The following METTL14 variants were observed in gnomAD, a reference collection of about 807,000 sequenced individuals.
METTL14 encodes the protein methyltransferase 14, N6-adenosine-methyltransferase non-catalytic subunit.
METTL14 carries 32 observed loss-of-function variants against 62.4 expected under a neutral mutation model. The ratio of observed to expected loss-of-function variants is 0.51; its 90% CI spans 0.39 to 0.69. The LOEUF is 0.69. Ranked by LOEUF, METTL14 falls within the 30% of genes least tolerant of loss-of-function variation. The probability of loss-of-function intolerance (pLI) is 0.00; values close to 1 mark genes in which losing one functional copy is unlikely to be tolerated. For missense variants in METTL14, 340 were observed against 551.9 expected, an observed-to-expected ratio of 0.62 and a Z score of 3.85; for synonymous variants, 150 against 180.0, an observed-to-expected ratio of 0.83 and a Z score of 1.34.
At chr4:118,707,213 A>C (rs2110410522) in intron 10 of METTL14, among the ~76,000 whole-genome samples, 1 of 152,314 alleles carries the variant, frequency 6.6e-6, no homozygotes, top group Admixed American at 6.5e-5. Flanking sequence ...AGAAAGAAAG[A>C]AATTGAATAG....
chr4:118,690,079 C>T (rs1238817328), intron 3 of METTL14, among the ~76,000 whole-genome samples: 5 of 118,792 alleles, frequency 4.2e-5, no homozygotes, highest in South Asian at 2.8e-4. Context: ...CTCACTCTGT[C>T]GCCCAGGCTG....
At chr4:118,709,842 A>T (rs776650655) in intron 10 of METTL14, among the ~76,000 whole-genome samples, 156 bp from the exon 11 acceptor site, 1 of 152,258 alleles carries the variant, frequency 6.6e-6, no homozygotes, top group Admixed American at 6.5e-5. Flanking sequence ...TCTTTAAAAC[A>T]TGACCACAAT....
At chr4:118,705,914 C>A in intron 10 of METTL14, 93 bp downstream of exon 10, 1 of 971,332 alleles carries the variant, frequency 1.0e-6, no homozygotes, top group Non-Finnish European at 1.6e-6. Flanking sequence ...AGTTCTTATG[C>A]ATTTGATTCC....
chr4:118,707,663 CAAAA>C (rs58896173), intron 10 of METTL14, among the ~76,000 whole-genome samples: 5 of 54,064 alleles, frequency 9.2e-5, no homozygotes, highest in Admixed American at 2.1e-4. Context: ...GACCCTGTCT[CAAAA>C]AAAAAAAAAA....
At chr4:118,698,765 T>C (rs1724500879) in intron 7 of METTL14, among the ~76,000 whole-genome samples, 1 of 152,106 alleles carries the variant, frequency 6.6e-6, no homozygotes, top group African/African-American at 2.4e-5. Context: ...AGTTGATTTC[T>C]AGGTATATGT....
At chr4:118,694,753 A>G (rs557836690) in intron 6 of METTL14, among the ~76,000 whole-genome samples, 1 of 152,118 alleles carries the variant, frequency 6.6e-6, no homozygotes, top group African/African-American at 2.4e-5. Flanking sequence ...CCTCACCTGG[A>G]CTACAGGCAT....
chr4:118,702,958 T>TATTATC (rs1339011873), intron 8 of METTL14, among the ~76,000 whole-genome samples: 1 of 146,296 alleles, frequency 6.8e-6, no homozygotes, highest in Non-Finnish European at 1.5e-5. Context: ...TTATTATTAT[T>TATTATC]ATTATTATTA....
In METTL14 at chr4:118,687,993, A is replaced by T. The variant is rs779153173; in HGVS notation, c.137A>T (p.Glu46Val). ...NSKDEQREIA[E>V]TRETCRASYD... ...AAAGATGAGCAGAGAGAAATTGCTG[A>T]AACAAGAGAAACTTGCAGGTCAGTC... The change falls in exon 2 of 11, where the codon GAA becomes GTA. Residue 46 changes from glutamate to valine, a missense_variant. Physicochemically the swap from Glu to Val is moderately radical, Grantham distance 121 (BLOSUM62 -2). Transcript: ENST00000388822. 6.2e-7 allele frequency: 1 copy of T among 1,613,268 alleles called. No individual in the cohort carries two copies. The highest frequency in any genetic ancestry group is 1.1e-5 in the South Asian group (1 of 91,006).
chr4:118,685,623 G>A, intron 1 of METTL14, 23 bp downstream of exon 1: 1 of 1,612,380 alleles, frequency 6.2e-7, no homozygotes, highest in Non-Finnish European at 8.5e-7. Context: ...GGTGTCCCCT[G>A]TGGGAGGGAT....
Position 118,715,319 on chromosome 4 carries a change from A to T in METTL14, c.*5017A>T, listed in dbSNP as rs1300059388. 6.6e-6 allele frequency: 1 copy of T among 152,224 alleles called. No homozygotes were observed. The highest frequency in any genetic ancestry group is 1.5e-5 in the Non-Finnish European group (1 of 68,038). The allele number at this position is 152,224 out of a possible 1,614,324, so 9.4% of individuals were successfully genotyped here. A position where few individuals can be genotyped will look rare whatever the true frequency, so the allele number is the denominator to read the frequency against. On this transcript the variant is annotated 3_prime_UTR_variant, in exon 11 of 11. Coordinates refer to ENST00000388822, the MANE Select transcript of METTL14 (RefSeq NM_020961.4). The stretch of plus-strand genomic sequence containing the variant: ...TCTGATATATCCAGTTTAGTAGTTT[A>T]TGCTGGTTAAATGATCAAAGTAATT...
rs1237912278 is a variant in METTL14 at position 118,715,133 on chromosome 4, G to A, written c.*4831G>A. 2.0e-5 allele frequency: 3 copies of A among 152,174 alleles called. No individual in the cohort carries two copies. The highest frequency in any genetic ancestry group is 2.9e-5 in the Non-Finnish European group (2 of 68,024). 9.4% of individuals were successfully genotyped at this position (152,174 alleles called of 1,614,324 possible). On this transcript the variant is annotated 3_prime_UTR_variant, in exon 11 of 11. Transcript: ENST00000388822. The stretch of plus-strand genomic sequence containing the variant: ...AATGGGGGAAAATGTGGAGGTCTAG[G>A]CTTGTGTTGTCACAAAATACACCTT...
rs533747737 is a variant in METTL14 at position 118,708,488 on chromosome 4, C to T, written c.1067-1510C>T. On this transcript the variant is annotated intron_variant, in intron 10 of 10. Coordinates refer to ENST00000388822, the MANE Select transcript of METTL14 (RefSeq NM_020961.4). ...AGAGCCCATAGGTGTGGAATGTGCT[C>T]TTGATCATGGTATCTGCCAGGTAAT... Among the ~76,000 whole-genome samples the T allele has an allele frequency of 3.9e-5, 6 of 152,254 alleles. No individual in the cohort carries two copies. In the East Asian group the frequency reaches 1.2e-3, roughly 29 times the overall value.
intron 7 of METTL14, among the ~76,000 whole-genome samples, chr4:118,699,011 A>G (rs1311673271): frequency 3.3e-5 from 5 of 152,190 alleles, no homozygotes. Flanking sequence ...TCAGTGATGA[A>G]TGAAGAGAAC....
chr4:118,704,118 G>A (rs298995), intron 9 of METTL14, 67 bp downstream of exon 9: 639,409 of 907,724 alleles, frequency 0.7, 227,783 homozygotes, highest in Admixed American at 0.77. Context: ...CCAAATAACT[G>A]TATACTGTTT....
chr4:118,711,989 T>G lies in METTL14; in HGVS notation c.*1687T>G, dbSNP rs1229532994. The G allele has an allele frequency of 3.9e-5, 6 of 152,182 alleles. No homozygotes were observed. The East Asian group carries it at 1.2e-3, about 29-fold the overall frequency. 9.4% of individuals were successfully genotyped at this position (152,182 alleles called of 1,614,324 possible). A position where few individuals can be genotyped will look rare whatever the true frequency, so the allele number is the denominator to read the frequency against. ...GTGAGATCAGTGTCACAATTTCATCTTAGAAAGAGGTAGGTATGGCTGCTT... is the reference window on the plus strand; with the variant it reads ...GTGAGATCAGTGTCACAATTTCATCGTAGAAAGAGGTAGGTATGGCTGCTT... On this transcript the variant is annotated 3_prime_UTR_variant, in exon 11 of 11. Coordinates refer to ENST00000388822, the MANE Select transcript of METTL14 (RefSeq NM_020961.4).
intron 6 of METTL14, among the ~76,000 whole-genome samples, chr4:118,694,863 G>A (rs1468486489): frequency 2.0e-5 from 3 of 151,834 alleles, no homozygotes; most frequent in Non-Finnish European, 1.5e-5. Context: ...GTGTAGTGGC[G>A]CAATCTTGGC....
intron 9 of METTL14, 88 bp from the exon 10 acceptor site, chr4:118,705,523 G>A (rs554176628): frequency 8.7e-6 from 9 of 1,034,852 alleles, no homozygotes; most frequent in African/African-American, 1.6e-5. Flanking sequence ...AATGAGGATT[G>A]TTTTAGAATT....
chr4:118,694,178 A>T (rs909041475), intron 5 of METTL14, among the ~76,000 whole-genome samples: 2 of 147,572 alleles, frequency 1.4e-5, no homozygotes, highest in Non-Finnish European at 3.0e-5. Flanking sequence ...GTAATGGTTT[A>T]ACTTAATAAA....
chr4:118,702,872 T>A (rs1051988739), intron 8 of METTL14, among the ~76,000 whole-genome samples: 1 of 150,904 alleles, frequency 6.6e-6, no homozygotes, highest in African/African-American at 2.4e-5. Flanking sequence ...TATCTTTTTT[T>A]TTTTTTGGTT....
Sources: allele counts gnomAD v4.1 joint callset (sites outside exome capture counted in the v4.1 genomes callset), GRCh38; gene constraint gnomAD v4.1.1; transcripts MANE v1.5; gene names NCBI Gene and HGNC (gene_info 2026-07-23, HGNC 2026-07-21).